The following CDH13 variants were observed in gnomAD, a reference collection of about 807,000 sequenced individuals.
The protein encoded by CDH13 is cadherin-13.
In CDH13, 24 loss-of-function variants were observed where a neutral mutation model predicts 63.8. The observed-to-expected ratio is 0.38, with a 90% CI of 0.27 to 0.53. The LOEUF (loss-of-function observed/expected upper bound fraction) is 0.53, where lower values mean the gene tolerates loss of function less well. Among genes scored for constraint, CDH13 ranks in the 20% least tolerant of loss-of-function variants. The pLI is 0.85. For synonymous variants in CDH13, 503 were observed against 355.3 expected (o/e 1.42, Z -4.67); for missense variants, 1,049 against 903.1 (o/e 1.16, Z -2.07).
intron 1 of CDH13, among the ~76,000 whole-genome samples, chr16:82,704,207 C>T (rs1430001183): frequency 2.0e-5 from 3 of 152,184 alleles, no homozygotes; most frequent in South Asian, 4.1e-4. Context: ...CCTCAGCCTT[C>T]AGCAGGCTCT....
At chr16:83,019,375 G>C (rs977554089) in intron 2 of CDH13, among the ~76,000 whole-genome samples, 2 of 151,772 alleles carry the variant, frequency 1.3e-5, no homozygotes, top group African/African-American at 4.8e-5. Flanking sequence ...TCCACATTTT[G>C]TCTCACTGAA....
intron 1 of CDH13, among the ~76,000 whole-genome samples, chr16:82,727,858 A>G (rs953389604): frequency 6.6e-6 from 1 of 152,106 alleles, no homozygotes; most frequent in Non-Finnish European, 1.5e-5. Flanking sequence ...TTTGCCATTC[A>G]AGTCTACAGC....
intron 4 of CDH13, among the ~76,000 whole-genome samples, chr16:83,140,540 C>G (rs1181782395): frequency 6.6e-6 from 1 of 152,086 alleles, no homozygotes; most frequent in Non-Finnish European, 1.5e-5. Flanking sequence ...TACAACCTCG[C>G]TGTCTCAGGT....
At chr16:83,072,368 A>G (rs146392381) in intron 3 of CDH13, among the ~76,000 whole-genome samples, 20 of 152,352 alleles carry the variant, frequency 1.3e-4, no homozygotes, top group African/African-American at 4.1e-4. Flanking sequence ...AATAATGCAT[A>G]TGTTGGGCAT....
intron 7 of CDH13, among the ~76,000 whole-genome samples, chr16:83,496,871 A>C (rs964786115): frequency 6.6e-6 from 1 of 152,256 alleles, no homozygotes; most frequent in Non-Finnish European, 1.5e-5. Context: ...GACACTTCTC[A>C]AAAGAAGACG....
intron 8 of CDH13, among the ~76,000 whole-genome samples, chr16:83,631,603 GAGGAA>G (rs1246403671): frequency 6.6e-6 from 1 of 152,104 alleles, no homozygotes; most frequent in Non-Finnish European, 1.5e-5. Flanking sequence ...GCTCCCCAAA[GAGGAA>G]AGGAAAGAGG....
intron 1 of CDH13, among the ~76,000 whole-genome samples, chr16:82,734,149 C>T (rs1332339111): frequency 6.6e-6 from 1 of 152,178 alleles, no homozygotes; most frequent in African/African-American, 2.4e-5. Flanking sequence ...GCAACATGGC[C>T]AATGGGCCAA....
chr16:83,680,378 G>C (rs1915308405), intron 10 of CDH13, among the ~76,000 whole-genome samples: 1 of 152,158 alleles, frequency 6.6e-6, no homozygotes. Flanking sequence ...CTGAGAAGGA[G>C]GGATGAACAT....
chr16:83,275,576 CGT>C (rs1452599646), intron 5 of CDH13, among the ~76,000 whole-genome samples: 2 of 65,980 alleles, frequency 3.0e-5, no homozygotes, highest in African/African-American at 7.4e-5. Context: ...GCTCAGAAAG[CGT>C]GTATAGGAGG....
At chr16:83,066,296 C>G (rs899417114) in intron 3 of CDH13, among the ~76,000 whole-genome samples, 8 of 152,174 alleles carry the variant, frequency 5.3e-5, no homozygotes, top group Non-Finnish European at 1.5e-5. Context: ...AGACATGAGA[C>G]TTTCAGTTTT....
At chr16:83,488,276 C>A (rs1342329570) in intron 7 of CDH13, among the ~76,000 whole-genome samples, 3 of 152,172 alleles carry the variant, frequency 2.0e-5, no homozygotes, top group Non-Finnish European at 4.4e-5. Flanking sequence ...CTGTATGTTT[C>A]CTGACAACAG....
chr16:83,304,919 T>C (rs2089838130), intron 5 of CDH13, among the ~76,000 whole-genome samples: 1 of 152,222 alleles, frequency 6.6e-6, no homozygotes, highest in South Asian at 2.1e-4. Flanking sequence ...TCTTTAAGTA[T>C]TTTATTCATA....
intron 6 of CDH13, among the ~76,000 whole-genome samples, chr16:83,465,750 G>A (rs2073298672): frequency 1.3e-5 from 2 of 152,182 alleles, no homozygotes; most frequent in Admixed American, 1.3e-4. Context: ...TAGAAGCAAA[G>A]TTGCCTCTTT....
At chr16:83,142,584 C>T (rs983112694) in intron 4 of CDH13, among the ~76,000 whole-genome samples, 2 of 152,140 alleles carry the variant, frequency 1.3e-5, no homozygotes, top group Admixed American at 6.5e-5. Flanking sequence ...TGTAGCCGTT[C>T]GCCTAGTCCT....
At chr16:82,750,421 C>T (rs1460991063) in intron 1 of CDH13, among the ~76,000 whole-genome samples, 1 of 152,112 alleles carries the variant, frequency 6.6e-6, no homozygotes, top group Non-Finnish European at 1.5e-5. Flanking sequence ...CCACTCTCTC[C>T]TTCTTTAGGG....
chr16:83,643,611 C>T (rs1289191731), intron 8 of CDH13, among the ~76,000 whole-genome samples: 2 of 151,974 alleles, frequency 1.3e-5, no homozygotes, highest in East Asian at 3.9e-4. Flanking sequence ...TCAGCTTATG[C>T]TACCTGCTTT....
chr16:82,946,263 T>G (rs960546825), intron 2 of CDH13, among the ~76,000 whole-genome samples: 2 of 151,246 alleles, frequency 1.3e-5, no homozygotes, highest in Admixed American at 1.3e-4. Flanking sequence ...TAAATGGATG[T>G]GGGAGGGAAG....
intron 12 of CDH13, 116 bp from the exon 13 acceptor site, chr16:83,783,138 C>T (rs760148081): frequency 2.8e-6 from 2 of 706,156 alleles, no homozygotes; most frequent in Non-Finnish European, 5.0e-6. Context: ...TAAGCATTCG[C>T]ACAATTATAA....
At chr16:83,027,243 A>G (rs549405383) in intron 2 of CDH13, among the ~76,000 whole-genome samples, 39 of 152,242 alleles carry the variant, frequency 2.6e-4, no homozygotes, top group African/African-American at 8.9e-4. Flanking sequence ...TGAAGATGTA[A>G]AGATGAATGA....
Sources: gnomAD v4.1 joint callset for allele counts (sites outside exome capture counted in the v4.1 genomes callset) on GRCh38, gnomAD v4.1.1 for gene constraint, MANE v1.5 for transcripts, NCBI Gene and HGNC (gene_info 2026-07-23, HGNC 2026-07-21) for gene names.